RRBP1: variants seen among roughly 807,000 people sequenced by gnomAD.
RRBP1 encodes the protein ribosome binding protein 1.
In RRBP1, 94 loss-of-function variants were observed where a neutral mutation model predicts 165.2. The ratio of observed to expected loss-of-function variants is 0.57; its 90% CI spans 0.48 to 0.68. RRBP1 has a LOEUF of 0.68. Among genes scored for constraint, RRBP1 ranks in the 30% least tolerant of loss-of-function variants. RRBP1 has a pLI of 0.00. For missense variants in RRBP1, 1,676 were observed against 1,763.0 expected, an observed-to-expected ratio of 0.95 and a Z score of 0.88; for synonymous variants, 680 against 714.5, an observed-to-expected ratio of 0.95 and a Z score of 0.77.
intron 2 of RRBP1, among the ~76,000 whole-genome samples, chr20:17,673,022 G>A (rs532089425): frequency 6.6e-6 from 1 of 152,300 alleles, no homozygotes; most frequent in African/African-American, 2.4e-5. Context: ...GGGAGGTCAG[G>A]AATAATCTAT....
intron 1 of RRBP1, among the ~76,000 whole-genome samples, 200 bp from the exon 2 acceptor site, chr20:17,680,275 C>T (rs538620873): frequency 1.7e-4 from 26 of 152,234 alleles, no homozygotes; most frequent in Admixed American, 1.2e-3. Context: ...CTGCACAGGG[C>T]GGGGTAACAT....
chr20:17,621,364 A>G, intron 16 of RRBP1, 94 bp downstream of exon 16: 1 of 945,102 alleles, frequency 1.1e-6, no homozygotes, highest in South Asian at 1.4e-5. Context: ...GGGCTTTTCC[A>G]AAACACCAGG....
Position 17,621,950 on chromosome 20 carries a change from G to T in RRBP1, c.3148-3C>A. 12 of 1,608,838 alleles carry T rather than the reference G, an allele frequency of 7.5e-6. No individual in the cohort carries two copies. Among genetic ancestry groups the T allele is most frequent in the South Asian group, 4.4e-5 (4 of 90,974 alleles). On this transcript the variant is annotated splice_region_variant and splice_polypyrimidine_tract_variant and intron_variant, in intron 13 of 24. Transcript: ENST00000377813. ...CAGAGCTGCTTCTCCGATTCCTCCT[G>T]GGGGGTGGGTGGGGAAGAGCGGAAG...
At chr20:17,615,611 G>T (rs1456032294) in intron 22 of RRBP1, 82 bp from the exon 23 acceptor site, 2 of 1,210,824 alleles carry the variant, frequency 1.7e-6, no homozygotes, top group Non-Finnish European at 2.2e-6. Flanking sequence ...CACGCCTGGG[G>T]ACCAGGGGGC....
Position 17,633,483 on chromosome 20 carries a change from C to T in RRBP1, c.2587G>A (p.Glu863Lys), listed in dbSNP as rs1291699931. 5.0e-6 allele frequency: 8 copies of T among 1,613,804 alleles called. No homozygotes were observed. Among genetic ancestry groups the T allele is most frequent in the African/African-American group, 1.3e-5 (1 of 75,058 alleles). ...ACCTGCAGCTGCAGGACCTGCTTCT[C>T]GAAGGCAGCTGCCTTGGCTTCCAGA... is the stretch of plus-strand genomic sequence containing the variant. Reference protein sequence around the residue: ...KALEAKAAAFEKQVLQLQASH... With the variant: ...KALEAKAAAFKKQVLQLQASH... The change falls in exon 8 of 25, where the codon GAG becomes AAG. Residue 863 changes from glutamate (E) to lysine (K), a missense_variant. Coordinates refer to ENST00000377813, the MANE Select transcript of RRBP1 (RefSeq NM_001365613.2).
chr20:17,650,383 G>T (rs2036533553), intron 3 of RRBP1, among the ~76,000 whole-genome samples: 1 of 152,134 alleles, frequency 6.6e-6, no homozygotes, highest in African/African-American at 2.4e-5. Context: ...TGGTCTCTCT[G>T]GCCACAGAGT....
At chr20:17,663,687 C>G (rs1296749496) in intron 2 of RRBP1, among the ~76,000 whole-genome samples, 1 of 152,230 alleles carries the variant, frequency 6.6e-6, no homozygotes, top group Non-Finnish European at 1.5e-5. Flanking sequence ...GCTGGGAGAT[C>G]CCTGATTCAC....
chr20:17,660,971 T>C (rs74483676), intron 2 of RRBP1, among the ~76,000 whole-genome samples: 1,729 of 152,072 alleles, frequency 0.011, 73 homozygotes, highest in East Asian at 0.073. Context: ...TCATGGCCGA[T>C]TGCCCTAGAA....
intron 2 of RRBP1, among the ~76,000 whole-genome samples, chr20:17,662,375 A>C (rs1339526430): frequency 6.6e-6 from 1 of 152,194 alleles, no homozygotes; most frequent in Non-Finnish European, 1.5e-5. Flanking sequence ...ATGACGAAGA[A>C]ACTTCCTAGC....
intron 3 of RRBP1, among the ~76,000 whole-genome samples, chr20:17,647,585 C>A (rs1011817231): frequency 5.9e-5 from 9 of 152,302 alleles, no homozygotes; most frequent in Admixed American, 1.3e-4. Context: ...AGCCTATCCC[C>A]GCTGGGTCCT....
intron 17 of RRBP1, 122 bp downstream of exon 17, chr20:17,620,593 G>C (rs1345546671): frequency 1.2e-6 from 1 of 809,990 alleles, no homozygotes; most frequent in African/African-American, 1.8e-5. Flanking sequence ...TGCTTCATAG[G>C]GTGTCGTGGA....
chr20:17,614,016 G>T lies in RRBP1; in HGVS notation c.*166C>A. The T allele has an allele frequency of 1.5e-6, 1 of 671,180 alleles. No individual in the cohort carries two copies. The highest frequency in any genetic ancestry group is 2.7e-6 in the Non-Finnish European group (1 of 373,042). 41.6% of individuals were successfully genotyped at this position (671,180 alleles called of 1,614,324 possible). The stretch of plus-strand genomic sequence containing the variant: ...GGTTCATTTACAAACTGGGGCTCTG[G>T]AAGGTCTACTTCTGTGGCTCTAAGA... On this transcript the variant is annotated 3_prime_UTR_variant, in exon 25 of 25. Coordinates refer to ENST00000377813, the MANE Select transcript of RRBP1 (RefSeq NM_001365613.2).
chr20:17,621,212 G>A (rs141183941), intron 16 of RRBP1, among the ~76,000 whole-genome samples: 3 of 152,282 alleles, frequency 2.0e-5, no homozygotes, highest in Admixed American at 6.5e-5. Flanking sequence ...TGCTTACCCC[G>A]TCCTTCCCCT....
chr20:17,628,493 G>A (rs2036077367), intron 9 of RRBP1, among the ~76,000 whole-genome samples: 1 of 152,148 alleles, frequency 6.6e-6, no homozygotes, highest in Non-Finnish European at 1.5e-5. Context: ...GGCCACTCGT[G>A]CCCCTCTGGT....
chr20:17,655,437 C>T (rs2036629379), intron 3 of RRBP1, among the ~76,000 whole-genome samples: 1 of 152,240 alleles, frequency 6.6e-6, no homozygotes, highest in African/African-American at 2.4e-5. Context: ...TCTCTGCCTT[C>T]CACTGTTCTT....
chr20:17,626,129 C>T (rs2122283934), intron 11 of RRBP1, among the ~76,000 whole-genome samples: 1 of 152,340 alleles, frequency 6.6e-6, no homozygotes, highest in Middle Eastern at 3.4e-3. Flanking sequence ...GCCCAGCCTA[C>T]ACATAACTTT....
intron 3 of RRBP1, among the ~76,000 whole-genome samples, chr20:17,649,594 T>A (rs887109375): frequency 1.2e-4 from 1 of 8,318 alleles, no homozygotes; most frequent in African/African-American, 1.4e-3. Context: ...CGTGGGTGGG[T>A]GGGTGGGTGA....
At chr20:17,651,759 T>C (rs1419868188) in intron 3 of RRBP1, among the ~76,000 whole-genome samples, 1 of 152,250 alleles carries the variant, frequency 6.6e-6, no homozygotes, top group Non-Finnish European at 1.5e-5. Context: ...GAAACACATA[T>C]TTATGTAATA....
At chr20:17,633,218 T>A (rs1436364151) in intron 8 of RRBP1, among the ~76,000 whole-genome samples, 1 of 152,180 alleles carries the variant, frequency 6.6e-6, no homozygotes, top group Non-Finnish European at 1.5e-5. Flanking sequence ...AGTTAACGCT[T>A]GAAAATGCTC....
Sources: allele counts gnomAD v4.1 joint callset (sites outside exome capture counted in the v4.1 genomes callset), GRCh38; gene constraint gnomAD v4.1.1; transcripts MANE v1.5; gene names NCBI Gene and HGNC (gene_info 2026-07-23, HGNC 2026-07-21).